HEPH: variants seen among roughly 807,000 people sequenced by gnomAD.
HEPH encodes hephaestin.
In HEPH, 69 loss-of-function variants were observed where a neutral mutation model predicts 80.8. The ratio of observed to expected loss-of-function variants is 0.85; its 90% CI spans 0.70 to 1.04. HEPH has a LOEUF of 1.04. Among genes scored for constraint, HEPH ranks in the 50% least tolerant of loss-of-function variants. HEPH has a pLI of 0.00. For missense variants in HEPH, 1,115 were observed against 891.3 expected (o/e 1.25, Z -3.20); for synonymous variants, 431 against 322.8 (o/e 1.34, Z -3.60).
rs187976103 is a variant in HEPH, at chrX:66,256,476, G to A, written c.2896+146G>A. On this transcript the variant is annotated intron_variant, in intron 17 of 20. Coordinates refer to ENST00000343002, the MANE Select transcript of HEPH (RefSeq NM_001367233.3). Reference sequence around the variant, plus strand: ...GTGAAATGGGGATGAGTTAGAAGAAGCATTTCCTATTATTGTACATTTACA... The same window carrying A: ...GTGAAATGGGGATGAGTTAGAAGAAACATTTCCTATTATTGTACATTTACA... 19 of 450,203 alleles carry A rather than the reference G, an allele frequency of 4.2e-5. No homozygotes were observed. The East Asian group carries it at 5.3e-4, about 13-fold the overall frequency. The allele number at this position is 450,203 out of a possible 1,213,427, so 37.1% of individuals were successfully genotyped here.
intron 13 of HEPH, among the ~76,000 whole-genome samples, chrX:66,206,107 T>A (rs1308874695): frequency 1.8e-5 from 2 of 110,732 alleles, no homozygotes; most frequent in Non-Finnish European, 3.8e-5. Context: ...GGAGAAAATC[T>A]GTAAGATTTC....
intron 1 of HEPH, among the ~76,000 whole-genome samples, chrX:66,166,575 C>G (rs1178940566): frequency 8.9e-6 from 1 of 111,810 alleles, no homozygotes; most frequent in Non-Finnish European, 1.9e-5. Context: ...CCAAATTAAA[C>G]AGCAGCAATA....
chrX:66,203,565 C>T lies in HEPH; in HGVS notation c.2279C>T (p.Ser760Phe), dbSNP rs2088591658. 8.3e-7 allele frequency: 1 copy of T among 1,207,321 alleles called. No individual in the cohort carries two copies. The highest frequency in any genetic ancestry group is 1.7e-5 in the African/African-American group (1 of 57,215). Residue 760 changes from serine (S) to phenylalanine (F), a missense_variant, in exon 13 of 21, where the codon TCT (serine) becomes TTT (phenylalanine). Physicochemically the swap from Ser to Phe is radical, Grantham distance 155 (BLOSUM62 -2). Coordinates refer to ENST00000343002, the MANE Select transcript of HEPH (RefSeq NM_001367233.3). ...RSWEREWHNQ[S>F]EKDSYGYIFL... ...TGGGAACGGGAATGGCACAACCAGT[C>T]TGAGAAGGACAGGTAAGGCTTCATA...
chrX:66,188,229 T>C (rs1217538712), intron 4 of HEPH, 130 bp from the exon 5 acceptor site: 12 of 487,246 alleles, frequency 2.5e-5, no homozygotes, highest in Non-Finnish European at 4.0e-5. Flanking sequence ...AAGAGGGTTA[T>C]TTCTGCTTTT....
At chrX:66,212,760 GTTTA>G (rs761385491) in intron 15 of HEPH, among the ~76,000 whole-genome samples, 1 of 110,538 alleles carries the variant, frequency 9.0e-6, no homozygotes, top group Admixed American at 9.6e-5. Flanking sequence ...GCCTCCAGTG[GTTTA>G]TTTATTTATT....
chrX:66,172,276 G>C, intron 2 of HEPH, 79 bp from the exon 3 acceptor site: 1 of 991,647 alleles, frequency 1.0e-6, no homozygotes. Flanking sequence ...TCACTTTTTG[G>C]TCAGTATCCT....
intron 18 of HEPH, among the ~76,000 whole-genome samples, chrX:66,259,455 A>G (rs2091284278): frequency 8.9e-6 from 1 of 112,072 alleles, no homozygotes; most frequent in South Asian, 3.7e-4. Context: ...GAGATTTAGA[A>G]GTGCTGAAAA....
At chrX:66,192,749 A>G (rs752331081) in intron 7 of HEPH, among the ~76,000 whole-genome samples, 1 of 111,698 alleles carries the variant, frequency 9.0e-6, no homozygotes, top group African/African-American at 3.2e-5. Context: ...GTAGGAAGAG[A>G]GGCAGCCTGC....
chrX:66,188,653 G>A (rs1390342228), intron 5 of HEPH, 112 bp downstream of exon 5: 3 of 584,675 alleles, frequency 5.1e-6, no homozygotes, highest in African/African-American at 2.3e-5. Flanking sequence ...TAGTCATCAC[G>A]AGGGCAAGGA....
chrX:66,238,744 A>G (rs1414440022), intron 15 of HEPH, among the ~76,000 whole-genome samples: 1 of 111,780 alleles, frequency 8.9e-6, no homozygotes, highest in African/African-American at 3.3e-5. Flanking sequence ...GAAATGGGAA[A>G]TCAGGGGTCT....
intron 15 of HEPH, among the ~76,000 whole-genome samples, chrX:66,218,341 TACTC>T (rs1355365666): frequency 9.0e-6 from 1 of 111,547 alleles, no homozygotes; most frequent in Non-Finnish European, 1.9e-5. Context: ...TTATATAAAA[TACTC>T]TCTCTGACCA....
At chrX:66,255,875 A>G (rs1178650912) in intron 16 of HEPH, among the ~76,000 whole-genome samples, 1 of 112,371 alleles carries the variant, frequency 8.9e-6, no homozygotes, top group East Asian at 2.8e-4. Flanking sequence ...AGATCAATAA[A>G]TAGTTTAGCC....
At chrX:66,166,957 T>C (rs1393380623) in intron 1 of HEPH, among the ~76,000 whole-genome samples, 2 of 112,528 alleles carry the variant, frequency 1.8e-5, no homozygotes, top group Non-Finnish European at 3.8e-5. Flanking sequence ...ATTTCCTTAC[T>C]TGCAATAGTA....
At chrX:66,247,114 T>A (rs1010097260) in intron 15 of HEPH, among the ~76,000 whole-genome samples, 7 of 111,239 alleles carry the variant, frequency 6.3e-5, no homozygotes, top group African/African-American at 1.6e-4. Context: ...TTGTCTTTTT[T>A]AAAATAGTTT....
In HEPH at chrX:66,207,216, C is replaced by T. The variant is rs771066185; in HGVS notation, c.2313C>T (p.Ser771=). The T allele has an allele frequency of 8.3e-7, 1 of 1,206,303 alleles. No individual in the cohort carries two copies. The highest frequency in any genetic ancestry group is 3.0e-5 in the East Asian group (1 of 33,670). ...CTAGTTATGGTTACATTTTCCTGAG[C>T]AACAAGGATGGGCTCCTGGGTTCCA... ...EKDSYGYIFL[S]NKDGLLGSRY... Residue 771 remains serine (S), a synonymous_variant, in exon 14 of 21, where the codon AGC becomes AGT. Coordinates refer to ENST00000343002, the MANE Select transcript of HEPH (RefSeq NM_001367233.3).
At chrX:66,263,436 G>A (rs193023564) in intron 19 of HEPH, among the ~76,000 whole-genome samples, 24 of 111,865 alleles carry the variant, frequency 2.1e-4, no homozygotes, top group African/African-American at 7.1e-4. Context: ...CTCCAAGCCT[G>A]TTCTCTTGCC....
intron 15 of HEPH, among the ~76,000 whole-genome samples, chrX:66,235,179 G>A (rs930157691): frequency 5.4e-5 from 6 of 111,420 alleles, no homozygotes; most frequent in East Asian, 2.8e-4. Flanking sequence ...TTCTTTCACT[G>A]TGTAGAAACT....
Position 66,258,035 on chromosome X carries a change from A to G in HEPH, c.2897-805A>G, listed in dbSNP as rs180903151. Reference sequence around the variant, plus strand: ...TCTATGCATTAATGTTATTAATTCCATGAATGTGGCAGGTATTTTTTTAAC... The same window carrying G: ...TCTATGCATTAATGTTATTAATTCCGTGAATGTGGCAGGTATTTTTTTAAC... On this transcript the variant is annotated intron_variant, in intron 17 of 20. Transcript: ENST00000343002. Among the ~76,000 whole-genome samples the G allele has an allele frequency of 2.2e-4, 25 of 112,067 alleles. No individual in the cohort carries two copies. In the East Asian group the frequency reaches 6.7e-3, roughly 30 times the overall value.
In HEPH at chrX:66,200,665, A is replaced by G. The variant is rs1262598647; in HGVS notation, c.1990A>G (p.Thr664Ala). 2 of 1,211,561 alleles carry G rather than the reference A, an allele frequency of 1.7e-6. No individual in the cohort carries two copies. The highest frequency in any genetic ancestry group is 2.2e-6 in the Non-Finnish European group (2 of 895,409). The change falls in exon 12 of 21, where the codon ACT (threonine) becomes GCT (alanine). Residue 664 changes from threonine to alanine, a missense_variant. This residue lies in a region of HEPH where 716 missense variants were observed against 523.5 expected (regional missense o/e 1.37). Coordinates refer to ENST00000343002, the MANE Select transcript of HEPH (RefSeq NM_001367233.3). The stretch of plus-strand genomic sequence containing the variant: ...GCATGGAGTCATGTTCCAGGGCAAC[A>G]CTGTGCAGCTTCAGGGCATGAGGAA... ...DVHGVMFQGNTVQLQGMRKGA... is the reference protein window; with the variant it reads ...DVHGVMFQGNAVQLQGMRKGA...
Sources: allele counts gnomAD v4.1 joint callset (sites outside exome capture counted in the v4.1 genomes callset), GRCh38; gene constraint gnomAD v4.1.1; regional missense constraint gnomAD v4.1.1; transcripts MANE v1.5; gene names NCBI Gene and HGNC (gene_info 2026-07-23, HGNC 2026-07-21).